Variants in TAFA1 observed in about 807,000 individuals in gnomAD.
TAFA1 encodes the protein TAFA chemokine like family member 1, also known as chemokine-like protein TAFA-1.
In TAFA1, 4 loss-of-function variants were observed where a neutral mutation model predicts 18.5. The ratio of observed to expected loss-of-function variants is 0.22; its 90% CI spans 0.11 to 0.49. The LOEUF (loss-of-function observed/expected upper bound fraction) is 0.49. TAFA1 is among the 20% of genes least tolerant of loss of function. The probability of loss-of-function intolerance (pLI) is 0.98; values close to 1 mark genes in which losing one functional copy is unlikely to be tolerated. For missense variants in TAFA1, 147 were observed against 169.0 expected, an observed-to-expected ratio of 0.87 and a Z score of 0.72; for synonymous variants, 56 against 55.2, an observed-to-expected ratio of 1.01 and a Z score of -0.06.
At chr3:68,154,444 T>G (rs1392341749) in intron 2 of TAFA1, among the ~76,000 whole-genome samples, 1 of 152,210 alleles carries the variant, frequency 6.6e-6, no homozygotes, top group African/African-American at 2.4e-5. Flanking sequence ...CAATTATTAC[T>G]GGGGCTTCCT....
chr3:68,161,625 A>T (rs2065925881), intron 2 of TAFA1, among the ~76,000 whole-genome samples: 1 of 152,244 alleles, frequency 6.6e-6, no homozygotes, highest in African/African-American at 2.4e-5. Flanking sequence ...GCAGGATAGT[A>T]GGATGGAAAT....
At chr3:68,300,855 G>A (rs1454897468) in intron 2 of TAFA1, among the ~76,000 whole-genome samples, 3 of 152,036 alleles carry the variant, frequency 2.0e-5, no homozygotes, top group Non-Finnish European at 4.4e-5. Flanking sequence ...TGTGAAAAAG[G>A]TGCCTTGCTT....
intron 3 of TAFA1, among the ~76,000 whole-genome samples, chr3:68,524,502 G>A (rs1199056387): frequency 6.6e-6 from 1 of 152,090 alleles, no homozygotes; most frequent in East Asian, 1.9e-4. Flanking sequence ...CTGACATAAA[G>A]AGGCAGTACA....
At chr3:68,503,347 C>A (rs541221150) in intron 3 of TAFA1, among the ~76,000 whole-genome samples, 1 of 152,208 alleles carries the variant, frequency 6.6e-6, no homozygotes, top group South Asian at 2.1e-4. Context: ...CTTCTTGTCA[C>A]AAGCATTTCA....
At position 68,246,589 on chromosome 3, in the gene TAFA1, C is replaced by CAAAAAAAAAAAA. The variant is rs63748968; in HGVS notation, c.119-170666_119-170655dup. On this transcript the variant is annotated intron_variant, in intron 2 of 4. Coordinates refer to ENST00000478136, the MANE Select transcript of TAFA1 (RefSeq NM_213609.4). Reference sequence around the variant, plus strand: ...TGGGCGACAGAGCGGGACTCCGTCTCAAAAAAAAAAAAAAAAAAAAAAAAA... The same window carrying CAAAAAAAAAAAA: ...TGGGCGACAGAGCGGGACTCCGTCTCAAAAAAAAAAAAAAAAAAAAAAAAAAAAAAAAAAAAA... 5.2e-3 allele frequency among the ~76,000 whole-genome samples: 286 copies of CAAAAAAAAAAAA among 55,316 alleles called. 50 individuals carry two copies. Among genetic ancestry groups the CAAAAAAAAAAAA allele is most frequent in the Middle Eastern group, 0.029 (2 of 68 alleles). The allele number at this position is 55,316 out of a possible 152,430, so 36.3% of individuals were successfully genotyped here.
At chr3:68,099,733 C>G (rs2065125987) in intron 2 of TAFA1, among the ~76,000 whole-genome samples, 1 of 151,988 alleles carries the variant, frequency 6.6e-6, no homozygotes, top group African/African-American at 2.4e-5. Context: ...ATAGCAAAGA[C>G]ATATAATCAA....
At chr3:68,419,010 T>C (rs2070901248) in intron 3 of TAFA1, among the ~76,000 whole-genome samples, 1 of 152,180 alleles carries the variant, frequency 6.6e-6, no homozygotes, top group African/African-American at 2.4e-5. Context: ...TATGGCAGAA[T>C]GGTTTTAAGA....
At chr3:68,218,953 C>G (rs1410508815) in intron 2 of TAFA1, among the ~76,000 whole-genome samples, 1 of 151,742 alleles carries the variant, frequency 6.6e-6, no homozygotes, top group Admixed American at 6.6e-5. Flanking sequence ...TTTTGAGTGT[C>G]CTTGATATTG....
chr3:68,176,318 C>A (rs1416983401), intron 2 of TAFA1, among the ~76,000 whole-genome samples: 1 of 152,026 alleles, frequency 6.6e-6, no homozygotes, highest in East Asian at 1.9e-4. Flanking sequence ...CCTGTTTCTA[C>A]AAAAATTGAA....
intron 2 of TAFA1, among the ~76,000 whole-genome samples, chr3:68,354,904 C>A (rs1018716222): frequency 6.6e-6 from 1 of 151,950 alleles, no homozygotes; most frequent in Non-Finnish European, 1.5e-5. Flanking sequence ...CTAATTGCCT[C>A]CTAAAGGCCT....
At chr3:68,389,930 A>T (rs1309622418) in intron 2 of TAFA1, among the ~76,000 whole-genome samples, 1 of 152,192 alleles carries the variant, frequency 6.6e-6, no homozygotes, top group Non-Finnish European at 1.5e-5. Flanking sequence ...AAAATTGGGC[A>T]GCCATATGGG....
chr3:68,335,156 G>C (rs2068950138), intron 2 of TAFA1, among the ~76,000 whole-genome samples: 1 of 152,032 alleles, frequency 6.6e-6, no homozygotes, highest in Non-Finnish European at 1.5e-5. Flanking sequence ...AAGAGCGTTT[G>C]GTATGATTTT....
chr3:68,258,589 G>C (rs1575718155), intron 2 of TAFA1, among the ~76,000 whole-genome samples: 2 of 152,278 alleles, frequency 1.3e-5, no homozygotes, highest in East Asian at 3.9e-4. Context: ...AGTGTTCAGA[G>C]AATAATTTCA....
intron 2 of TAFA1, chr3:68,145,750 A>T (rs186357163): frequency 1.6e-6 from 1 of 606,236 alleles, no homozygotes; most frequent in Non-Finnish European, 3.0e-6. Flanking sequence ...ATTCCTTACT[A>T]TGTGATAAAA....
At position 68,545,006 on chromosome 3, in the gene TAFA1, C is replaced by A. The variant is rs998328965; in HGVS notation, c.*503C>A. 1 of 152,342 alleles carries A rather than the reference C, an allele frequency of 6.6e-6. No individual in the cohort carries two copies. The highest frequency in any genetic ancestry group is 1.5e-5 in the Non-Finnish European group (1 of 68,000). 9.4% of individuals were successfully genotyped at this position (152,342 alleles called of 1,614,324 possible). ...TTGAGAATTCAAGATGGCACTGACA[C>A]GGGAAGGCCAGCTACAGGTGGACTC... On this transcript the variant is annotated 3_prime_UTR_variant, in exon 5 of 5. Coordinates refer to ENST00000478136, the MANE Select transcript of TAFA1 (RefSeq NM_213609.4).
At chr3:68,353,606 G>A (rs567588951) in intron 2 of TAFA1, among the ~76,000 whole-genome samples, 3 of 152,088 alleles carry the variant, frequency 2.0e-5, no homozygotes, top group East Asian at 1.9e-4. Context: ...ATGGCTGCAG[G>A]GAAGTAGGGA....
At chr3:68,399,019 C>G (rs1015366140) in intron 2 of TAFA1, among the ~76,000 whole-genome samples, 1 of 152,032 alleles carries the variant, frequency 6.6e-6, no homozygotes, top group Non-Finnish European at 1.5e-5. Flanking sequence ...GATCAAATGA[C>G]AATTAATCAA....
intron 2 of TAFA1, among the ~76,000 whole-genome samples, chr3:68,023,513 G>A (rs1191700893): frequency 1.3e-5 from 2 of 152,156 alleles, no homozygotes; most frequent in Non-Finnish European, 2.9e-5. Context: ...CTGGAAGGCA[G>A]ACAGCAAGAG....
intron 2 of TAFA1, among the ~76,000 whole-genome samples, chr3:68,257,271 T>C (rs2067316533): frequency 6.6e-6 from 1 of 152,056 alleles, no homozygotes; most frequent in African/African-American, 2.4e-5. Flanking sequence ...ACCCCAGAAT[T>C]TAAATTGGCC....
Sources: allele counts gnomAD v4.1 joint callset (sites outside exome capture counted in the v4.1 genomes callset), GRCh38; gene constraint gnomAD v4.1.1; transcripts MANE v1.5; gene names NCBI Gene and HGNC (gene_info 2026-07-23, HGNC 2026-07-21).